Variants in CCDC157 observed in about 807,000 individuals in gnomAD.
The protein encoded by CCDC157 is coiled-coil domain containing 157.
CCDC157 carries 60 observed loss-of-function variants against 70.9 expected under a neutral mutation model. That is an observed-to-expected ratio of 0.85 (90% CI 0.69 to 1.05). CCDC157 has a LOEUF of 1.05. CCDC157 is among the 50% of genes least tolerant of loss of function. CCDC157 has a pLI of 0.00. For missense variants in CCDC157, 943 were observed against 984.2 expected (o/e 0.96, Z 0.56); for synonymous variants, 373 against 422.4 (o/e 0.88, Z 1.43).
intron 1 of CCDC157, among the ~76,000 whole-genome samples, chr22:30,358,095 C>G (rs1932056769): frequency 6.6e-6 from 1 of 152,216 alleles, no homozygotes; most frequent in African/African-American, 2.4e-5. Context: ...CTCCTTCCTC[C>G]TCTCCTCAAC....
At chr22:30,370,200 G>A in intron 4 of CCDC157, 126 bp from the exon 5 acceptor site, 3 of 1,056,286 alleles carry the variant, frequency 2.8e-6, no homozygotes, top group Middle Eastern at 3.0e-4. Flanking sequence ...CGGTGTCAGA[G>A]AACATTTGAG....
intron 2 of CCDC157, among the ~76,000 whole-genome samples, chr22:30,363,831 G>A (rs559328267): frequency 5.3e-4 from 80 of 152,164 alleles, no homozygotes; most frequent in African/African-American, 1.7e-3. Flanking sequence ...GGGATTATAG[G>A]CATCCGCCAT....
At chr22:30,374,424 C>T in intron 9 of CCDC157, 1 of 507,356 alleles carries the variant, frequency 2.0e-6, no homozygotes, top group South Asian at 1.5e-5. Flanking sequence ...GTGTGTCCCC[C>T]TTCTTGGTTC....
intron 2 of CCDC157, among the ~76,000 whole-genome samples, chr22:30,365,460 A>G (rs1373988679): frequency 2.6e-5 from 4 of 152,108 alleles, no homozygotes; most frequent in Non-Finnish European, 5.9e-5. Context: ...TGTGGCCAGC[A>G]TGACATGGTC....
At chr22:30,371,813 C>A in intron 6 of CCDC157, 86 bp downstream of exon 6, 1 of 1,226,398 alleles carries the variant, frequency 8.2e-7, no homozygotes. Context: ...GTCCCCTGAG[C>A]ATCCAGGGCA....
chr22:30,366,615 G>A (rs1010483681), intron 3 of CCDC157: 5 of 317,566 alleles, frequency 1.6e-5, no homozygotes, highest in South Asian at 1.1e-4. Context: ...TTTCCATTCC[G>A]GGCTCTCTTT....
intron 1 of CCDC157, among the ~76,000 whole-genome samples, chr22:30,361,618 G>C (rs1207147564): frequency 2.0e-5 from 3 of 152,166 alleles, no homozygotes; most frequent in Admixed American, 2.0e-4. Flanking sequence ...ATTTCTTTTG[G>C]ACACTGCTGC....
chr22:30,367,740 T>C (rs1458847824), intron 3 of CCDC157, among the ~76,000 whole-genome samples: 1 of 151,888 alleles, frequency 6.6e-6, no homozygotes, highest in Non-Finnish European at 1.5e-5. Flanking sequence ...ATCCCAGGGT[T>C]CTAGCGCTCA....
Position 30,375,539 on chromosome 22 carries a change from C to T in CCDC157, c.1733C>T (p.Thr578Ile). Residue 578 changes from threonine to isoleucine, a missense_variant, in exon 10 of 12, where the codon ACA becomes ATA. Thr to Ile is a moderately conservative substitution (Grantham distance 89). Transcript: ENST00000338306. ...TGTCCCACAGACTCTGGCAACGTCA[C>T]AGATCACATGGAGAGGCAAGTGCAG... ...ITCPTDSGNV[T>I]DHMERQVQSN... 1.2e-6 allele frequency: 2 copies of T among 1,614,210 alleles called. No individual in the cohort carries two copies. Among genetic ancestry groups the T allele is most frequent in the Non-Finnish European group, 8.5e-7 (1 of 1,180,042 alleles).
chr22:30,368,359 C>T (rs1827040599), intron 3 of CCDC157, among the ~76,000 whole-genome samples: 1 of 152,254 alleles, frequency 6.6e-6, no homozygotes, highest in African/African-American at 2.4e-5. Context: ...GTGAAGCTGT[C>T]TCTGACATGC....
intron 7 of CCDC157, chr22:30,372,702 G>C (rs1933031508): frequency 5.7e-6 from 1 of 174,612 alleles, no homozygotes; most frequent in African/African-American, 2.4e-5. Flanking sequence ...GGCAGAGGGT[G>C]AGCCAGGGCC....
Position 30,370,798 on chromosome 22 carries a change from A to C in CCDC157, c.893A>C (p.Glu298Ala). The C allele has an allele frequency of 6.2e-7, 1 of 1,613,328 alleles. No individual in the cohort carries two copies. Among genetic ancestry groups the C allele is most frequent in the Non-Finnish European group, 8.5e-7 (1 of 1,180,000 alleles). The change falls in exon 5 of 12, where the codon GAG becomes GCG. Residue 298 changes from glutamate (E) to alanine (A), a missense_variant. Transcript: ENST00000338306. ...KHVEALRAQL[E>A]EAEGQKDGLR... ...GTGGAGGCCCTCAGGGCCCAGCTGG[A>C]GGAGGCTGAAGGGCAGAAGGATGGC...
intron 3 of CCDC157, 174 bp downstream of exon 3, chr22:30,366,422 C>A: frequency 1.4e-6 from 1 of 739,536 alleles, no homozygotes. Context: ...TACCTTTTAT[C>A]ATGTGTCTTG....
In CCDC157 at chr22:30,370,397, A is replaced by G; in HGVS notation, c.492A>G (p.Glu164=). 1 of 1,614,130 alleles carries G rather than the reference A, an allele frequency of 6.2e-7. No individual in the cohort carries two copies. The highest frequency in any genetic ancestry group is 8.5e-7 in the Non-Finnish European group (1 of 1,180,038). Residue 164 remains glutamate (E), a synonymous_variant, in exon 5 of 12, where the codon GAA becomes GAG. Coordinates refer to ENST00000338306, the MANE Select transcript of CCDC157 (RefSeq NM_001017437.5). ...AGGGCGAGCCAGCCAGGAGCCCTGA[A>G]TATCTGACTACCAAGTTAATCAAGC... is the stretch of plus-strand genomic sequence containing the variant. ...TTKGEPARSP[E]YLTTKLIKPS... is the part of the protein sequence containing the mutation.
chr22:30,361,490 G>A (rs916210803), intron 1 of CCDC157, among the ~76,000 whole-genome samples: 5 of 152,114 alleles, frequency 3.3e-5, no homozygotes, highest in East Asian at 3.8e-4. Flanking sequence ...GATGAGGGTG[G>A]CCTTCCTGCT....
Position 30,365,984 on chromosome 22 carries a change from C to A in CCDC157, c.-11-6C>A, listed in dbSNP as rs1023082573. The A allele has an allele frequency of 1.3e-6, 2 of 1,572,778 alleles. No individual in the cohort carries two copies. Among genetic ancestry groups the A allele is most frequent in the Non-Finnish European group, 1.7e-6 (2 of 1,165,916 alleles). ...GGCTGGCAGGGCTCTTCTCTGCTCA[C>A]CCCAGGATCTGTGAGGATGGCGCAC... On this transcript the variant is annotated splice_polypyrimidine_tract_variant and splice_region_variant and intron_variant, in intron 2 of 11. Coordinates refer to ENST00000338306, the MANE Select transcript of CCDC157 (RefSeq NM_001017437.5).
At chr22:30,366,333 G>C (rs987402862) in intron 3 of CCDC157, 85 bp downstream of exon 3, 1 of 1,553,566 alleles carries the variant, frequency 6.4e-7, no homozygotes, top group Non-Finnish European at 8.8e-7. Flanking sequence ...CCCCTCCAGA[G>C]GCAGGGGTGA....
intron 2 of CCDC157, among the ~76,000 whole-genome samples, chr22:30,365,609 G>T (rs922016246): frequency 6.6e-6 from 1 of 152,152 alleles, no homozygotes; most frequent in Non-Finnish European, 1.5e-5. Context: ...TCCCCATCAC[G>T]CTGTAGCTGT....
At chr22:30,371,253 C>T (rs1932927241) in intron 5 of CCDC157, 5 of 510,326 alleles carry the variant, frequency 9.8e-6, no homozygotes, top group East Asian at 3.3e-5. Flanking sequence ...TTGAGGGCTA[C>T]TTCCAGAGAG....
Sources: allele counts gnomAD v4.1 joint callset (sites outside exome capture counted in the v4.1 genomes callset), GRCh38; gene constraint gnomAD v4.1.1; transcripts MANE v1.5; gene names NCBI Gene and HGNC (gene_info 2026-07-23, HGNC 2026-07-21).